The following DEUP1 variants were observed in gnomAD, a reference collection of about 807,000 sequenced individuals.
DEUP1 encodes the protein deuterosome assembly protein 1.
In DEUP1, 82 loss-of-function variants were observed where a neutral mutation model predicts 87.4. That is an observed-to-expected ratio of 0.94 (90% CI 0.78 to 1.13). The LOEUF (loss-of-function observed/expected upper bound fraction) is 1.13. Ranked by LOEUF, DEUP1 falls within the 50% of genes most tolerant of loss-of-function variation. DEUP1 has a pLI of 0.00. For synonymous variants in DEUP1, 214 were observed against 222.7 expected (o/e 0.96, Z 0.35); for missense variants, 663 against 681.5 (o/e 0.97, Z 0.30).
chr11:93,348,314 G>GT (rs1337084262), intron 2 of DEUP1, among the ~76,000 whole-genome samples: 1 of 151,546 alleles, frequency 6.6e-6, no homozygotes, highest in Non-Finnish European at 1.5e-5. Flanking sequence ...CTTTTGAATT[G>GT]TTTTTTATGT....
At chr11:93,358,936 G>A (rs374202322) in intron 4 of DEUP1, among the ~76,000 whole-genome samples, 35 of 152,118 alleles carry the variant, frequency 2.3e-4, no homozygotes, top group African/African-American at 7.5e-4. Flanking sequence ...CAGGGGTTTC[G>A]TGGAATACAC....
chr11:93,333,459 G>C (rs1483057433), intron 2 of DEUP1, among the ~76,000 whole-genome samples: 2 of 152,162 alleles, frequency 1.3e-5, no homozygotes, highest in African/African-American at 2.4e-5. Context: ...TTTCTTTTAG[G>C]AGTATAACAT....
intron 7 of DEUP1, among the ~76,000 whole-genome samples, chr11:93,373,955 A>G (rs1052131267): frequency 3.3e-5 from 5 of 151,542 alleles, no homozygotes; most frequent in Non-Finnish European, 7.4e-5. Flanking sequence ...AACATCTATT[A>G]TTTTTTTGAT....
At chr11:93,355,625 ATACT>A (rs1944858944) in intron 3 of DEUP1, 83 bp downstream of exon 3, 1 of 1,253,210 alleles carries the variant, frequency 8.0e-7, no homozygotes, top group South Asian at 1.7e-5. Context: ...TTTATTATAC[ATACT>A]TTTTATCAGG....
chr11:93,366,178 A>C (rs956355752), intron 5 of DEUP1, among the ~76,000 whole-genome samples: 2 of 152,192 alleles, frequency 1.3e-5, no homozygotes, highest in Non-Finnish European at 2.9e-5. Flanking sequence ...AAAAGGGTGA[A>C]GAGATAGGAG....
rs375427806 is a variant in DEUP1, at chr11:93,356,943, T to A, written c.202-5T>A. The A allele has an allele frequency of 3.2e-6, 5 of 1,574,866 alleles. No individual in the cohort carries two copies. The African/African-American group carries it at 6.8e-5, about 21-fold the overall frequency. ...AAGCAAAATTAAATTTTATTCTTCATGCAGGTAGGGTTACTTCGACAGAAA... is the reference window on the plus strand; with the variant it reads ...AAGCAAAATTAAATTTTATTCTTCAAGCAGGTAGGGTTACTTCGACAGAAA... On this transcript the variant is annotated splice_polypyrimidine_tract_variant and splice_region_variant and intron_variant, in intron 3 of 13. Coordinates refer to ENST00000298050, the MANE Select transcript of DEUP1 (RefSeq NM_181645.4).
At chr11:93,387,582 G>A (rs564764738) in intron 8 of DEUP1, among the ~76,000 whole-genome samples, 4 of 151,834 alleles carry the variant, frequency 2.6e-5, no homozygotes, top group East Asian at 3.9e-4. Flanking sequence ...TCATGATTAC[G>A]GTTTTCTTCT....
At chr11:93,404,726 A>G (rs569986779) in intron 11 of DEUP1, among the ~76,000 whole-genome samples, 2 of 152,212 alleles carry the variant, frequency 1.3e-5, no homozygotes, top group South Asian at 4.1e-4. Flanking sequence ...GAATAAAGAA[A>G]TGGATTAAAA....
chr11:93,393,288 A>G lies in DEUP1; in HGVS notation c.1042-1171A>G, dbSNP rs562766633. Among the ~76,000 whole-genome samples, 6 of 151,090 alleles carry G rather than the reference A, an allele frequency of 4.0e-5. No individual in the cohort carries two copies. The East Asian group carries it at 1.2e-3, about 30-fold the overall frequency. ...TGTTTTTACTTTTCATAGAGCATCT[A>G]TATGTTCTATTTTTTTCTATGCCTT... On this transcript the variant is annotated intron_variant, in intron 9 of 13. Coordinates refer to ENST00000298050, the MANE Select transcript of DEUP1 (RefSeq NM_181645.4).
intron 8 of DEUP1, among the ~76,000 whole-genome samples, chr11:93,386,258 ATTT>A (rs921209378): frequency 6.6e-5 from 10 of 151,500 alleles, no homozygotes; most frequent in Non-Finnish European, 1.5e-4. Flanking sequence ...CTTAAAACAG[ATTT>A]TTTTTTCTCT....
At chr11:93,382,897 A>G (rs1043991835) in intron 7 of DEUP1, among the ~76,000 whole-genome samples, 3 of 152,228 alleles carry the variant, frequency 2.0e-5, no homozygotes, top group Non-Finnish European at 4.4e-5. Flanking sequence ...CTTTATCCAA[A>G]CAAGTCTATT....
At position 93,389,173 on chromosome 11, in the gene DEUP1, T is replaced by C. The variant is rs185444535; in HGVS notation, c.1041+48T>C. 8 of 1,038,454 alleles carry C rather than the reference T, an allele frequency of 7.7e-6. No individual in the cohort carries two copies. In the African/African-American group the frequency reaches 8.3e-5, roughly 11 times the overall value. 64.3% of individuals were successfully genotyped at this position (1,038,454 alleles called of 1,614,324 possible). A position where few individuals can be genotyped will look rare whatever the true frequency, so the allele number is the denominator to read the frequency against. Reference sequence around the variant, plus strand: ...TTCTTCCAGGTAGATGTGAACTCTTTACATACAAAGGGAGTTAAAAAAAAA... The same window carrying C: ...TTCTTCCAGGTAGATGTGAACTCTTCACATACAAAGGGAGTTAAAAAAAAA... On this transcript the variant is annotated intron_variant, in intron 9 of 13. Coordinates refer to ENST00000298050, the MANE Select transcript of DEUP1 (RefSeq NM_181645.4).
intron 13 of DEUP1, among the ~76,000 whole-genome samples, chr11:93,417,895 A>C (rs576177130): frequency 2.8e-3 from 419 of 152,200 alleles, no homozygotes; most frequent in Non-Finnish European, 2.9e-3. Context: ...CAACTATCTG[A>C]TCTTTGACAA....
Position 93,407,208 on chromosome 11 carries a change from G to GAA in DEUP1, c.1327-1015_1327-1014dup, listed in dbSNP as rs34778756. Reference sequence around the variant, plus strand: ...AAATCAACACAGTGTTAATTATTTTGAAAAAAAAACTGAATTCAACAATAG... The same window carrying GAA: ...AAATCAACACAGTGTTAATTATTTTGAAAAAAAAAAACTGAATTCAACAATAG... On this transcript the variant is annotated intron_variant, in intron 11 of 13. Coordinates refer to ENST00000298050, the MANE Select transcript of DEUP1 (RefSeq NM_181645.4). Among the ~76,000 whole-genome samples, 1,420 of 149,034 alleles carry GAA rather than the reference G, an allele frequency of 9.5e-3. 22 individuals are homozygous for GAA. The highest frequency in any genetic ancestry group is 0.033 in the African/African-American group (1,333 of 40,540).
At chr11:93,417,134 C>T (rs138914343) in intron 13 of DEUP1, among the ~76,000 whole-genome samples, 94,902 of 130,358 alleles carry the variant, frequency 0.73, 35,056 homozygotes, top group East Asian at 0.89. Context: ...CAGGGATGCC[C>T]TCTCTCACCA....
intron 13 of DEUP1, among the ~76,000 whole-genome samples, chr11:93,436,212 T>C (rs1283439119): frequency 6.6e-6 from 1 of 152,178 alleles, no homozygotes; most frequent in African/African-American, 2.4e-5. Flanking sequence ...CATACATCTT[T>C]CCATCCCTTT....
intron 11 of DEUP1, among the ~76,000 whole-genome samples, chr11:93,398,582 C>G (rs971445323): frequency 4.9e-4 from 74 of 152,046 alleles, no homozygotes; most frequent in African/African-American, 1.6e-3. Flanking sequence ...AAAGTAATTT[C>G]TCAATAGCTC....
rs941321077 is a variant in DEUP1 at position 93,368,992 on chromosome 11, A to AAC, written c.433-1068_433-1067dup. ...CCCCCGTGCCCACCAGCCACCCCCCAACACACACACACACTCGGGATCACA... is the reference window on the plus strand; with the variant it reads ...CCCCCGTGCCCACCAGCCACCCCCCAACACACACACACACACTCGGGATCACA... On this transcript the variant is annotated intron_variant, in intron 5 of 13. Transcript: ENST00000298050. Among the ~76,000 whole-genome samples, 8 of 151,324 alleles carry AAC rather than the reference A, an allele frequency of 5.3e-5. No homozygotes were observed. The East Asian group carries it at 9.7e-4, about 18-fold the overall frequency.
chr11:93,367,110 T>G (rs543510768), intron 5 of DEUP1, among the ~76,000 whole-genome samples: 1 of 152,300 alleles, frequency 6.6e-6, no homozygotes, highest in African/African-American at 2.4e-5. Flanking sequence ...TATAGTCTGT[T>G]TATCATGAGC....
Sources: gnomAD v4.1 joint callset for allele counts (sites outside exome capture counted in the v4.1 genomes callset) on GRCh38, gnomAD v4.1.1 for gene constraint, MANE v1.5 for transcripts, NCBI Gene and HGNC (gene_info 2026-07-23, HGNC 2026-07-21) for gene names.